The following KIAA1217 variants were observed in gnomAD, a reference collection of about 807,000 sequenced individuals.
The protein encoded by KIAA1217 is sickle tail protein homolog.
KIAA1217 carries 88 observed loss-of-function variants against 163.9 expected under a neutral mutation model. The observed-to-expected ratio is 0.54, with a 90% CI of 0.45 to 0.64. The LOEUF is 0.64. KIAA1217 is among the 30% of genes least tolerant of loss of function. The probability of loss-of-function intolerance (pLI) is 0.00; values close to 1 mark genes in which losing one functional copy is unlikely to be tolerated. For synonymous variants in KIAA1217, 903 were observed against 923.1 expected (o/e 0.98, Z 0.39); for missense variants, 2,372 against 2,475.0 (o/e 0.96, Z 0.88).
chr10:24,004,276 C>A (rs1016626546), intron 1 of KIAA1217, among the ~76,000 whole-genome samples: 7 of 151,696 alleles, frequency 4.6e-5, no homozygotes, highest in African/African-American at 7.3e-5. Flanking sequence ...AGCACCCGGC[C>A]GAGGGCTTTT....
At chr10:24,184,807 C>A (rs1365418412) in intron 2 of KIAA1217, among the ~76,000 whole-genome samples, 2 of 152,166 alleles carry the variant, frequency 1.3e-5, no homozygotes, top group Non-Finnish European at 2.9e-5. Context: ...GCTCTGGCCC[C>A]ATAGGTGGTC....
intron 1 of KIAA1217, among the ~76,000 whole-genome samples, chr10:23,925,568 G>A (rs1172368288): frequency 2.0e-5 from 3 of 152,196 alleles, no homozygotes; most frequent in Non-Finnish European, 4.4e-5. Flanking sequence ...GTGAATTGCA[G>A]CTTAACAAAG....
rs1168668539 is a variant in KIAA1217, at chr10:24,101,756, A to T, written c.-171+94382A>T. Among the ~76,000 whole-genome samples the T allele has an allele frequency of 2.0e-5, 3 of 152,180 alleles. 1 individual carries two copies. Among genetic ancestry groups the T allele is most frequent in the Middle Eastern group, 6.3e-3 (2 of 316 alleles). ...AGCCTAGTATTTTCATTTGGAAATT[A>T]GTCATCTTGTGCTTTTCATTGTGTT... is the stretch of plus-strand genomic sequence containing the variant. On this transcript the variant is annotated intron_variant, in intron 2 of 18. Transcript: ENST00000376462.
intron 2 of KIAA1217, among the ~76,000 whole-genome samples, chr10:24,361,477 A>G (rs2049990219): frequency 6.6e-6 from 1 of 152,146 alleles, no homozygotes; most frequent in African/African-American, 2.4e-5. Context: ...TGTGAGCCAC[A>G]GTGCCCAGCC....
chr10:24,528,092 G>T lies in KIAA1217; in HGVS notation c.3055G>T (p.Ala1019Ser). 6.2e-7 allele frequency: 1 copy of T among 1,614,052 alleles called. No individual in the cohort carries two copies. The highest frequency in any genetic ancestry group is 8.5e-7 in the Non-Finnish European group (1 of 1,179,970). ...PATGPLPRGD[A>S]PVDKVELSED... ...CACAGGCCCACTGCCAAGGGGAGAT[G>T]CCCCAGTGGACAAGGTGGAACTTTC... The change falls in exon 14 of 21, where the codon GCC becomes TCC. Residue 1019 changes from alanine (A) to serine (S), a missense_variant. Physicochemically the swap from Ala to Ser is moderately conservative, Grantham distance 99. This residue lies in a region of KIAA1217 where 1,431 missense variants were observed against 1,470.3 expected (regional missense o/e 0.97). Transcript: ENST00000376454.
chr10:23,702,916 CG>C (rs1373555736), intron 1 of KIAA1217, among the ~76,000 whole-genome samples: 3 of 151,978 alleles, frequency 2.0e-5, no homozygotes, highest in Non-Finnish European at 4.4e-5. Context: ...TTAGTAGAGA[CG>C]GGGTTTCACC....
At chr10:23,927,623 C>T (rs1264263274) in intron 1 of KIAA1217, among the ~76,000 whole-genome samples, 1 of 152,104 alleles carries the variant, frequency 6.6e-6, no homozygotes, top group Non-Finnish European at 1.5e-5. Context: ...TGGTGATGCA[C>T]TAGGCTTTTG....
chr10:23,874,477 A>G (rs1048951581), intron 1 of KIAA1217, among the ~76,000 whole-genome samples: 4 of 152,010 alleles, frequency 2.6e-5, no homozygotes, highest in Non-Finnish European at 4.4e-5. Context: ...CTGCTATAGC[A>G]AATTATAGCC....
At chr10:23,954,314 C>T (rs1166369616) in intron 1 of KIAA1217, among the ~76,000 whole-genome samples, 1 of 152,112 alleles carries the variant, frequency 6.6e-6, no homozygotes, top group Admixed American at 6.5e-5. Context: ...CCTATAATCT[C>T]AGCACTTTGG....
intron 1 of KIAA1217, among the ~76,000 whole-genome samples, chr10:23,834,039 C>A (rs898935619): frequency 1.3e-5 from 2 of 152,028 alleles, no homozygotes; most frequent in African/African-American, 4.8e-5. Context: ...AAATTAAATT[C>A]CAAGTCTAGA....
intron 2 of KIAA1217, among the ~76,000 whole-genome samples, chr10:24,045,149 A>C (rs934775395): frequency 5.3e-5 from 8 of 152,094 alleles, no homozygotes; most frequent in African/African-American, 1.9e-4. Context: ...TTTCCTCATA[A>C]TGTTAAAGGC....
rs976205187 is a variant in KIAA1217, at chr10:24,298,289, A to T, written c.354+78380A>T. Among the ~76,000 whole-genome samples, 5 of 150,554 alleles carry T rather than the reference A, an allele frequency of 3.3e-5. No individual in the cohort carries two copies. The East Asian group carries it at 9.8e-4, about 29-fold the overall frequency. ...TGAAATGTTCCTTATTTGTTTAGAA[A>T]TTTTTTTTTTCTCATTTATATAATA... On this transcript the variant is annotated intron_variant, in intron 2 of 20. Transcript: ENST00000376454.
chr10:24,478,678 T>C (rs2133230399), intron 6 of KIAA1217, among the ~76,000 whole-genome samples: 1 of 152,322 alleles, frequency 6.6e-6, no homozygotes, highest in East Asian at 1.9e-4. Flanking sequence ...GGAGACCATG[T>C]GTGACAAATG....
chr10:24,070,525 A>G (rs746454225), intron 2 of KIAA1217, among the ~76,000 whole-genome samples: 9 of 152,216 alleles, frequency 5.9e-5, no homozygotes, highest in Non-Finnish European at 1.0e-4. Flanking sequence ...TAATCTTTGG[A>G]TAATTCATTA....
chr10:24,006,794 G>C (rs1159837207), intron 1 of KIAA1217, among the ~76,000 whole-genome samples: 2 of 152,146 alleles, frequency 1.3e-5, no homozygotes, highest in African/African-American at 4.8e-5. Flanking sequence ...CAGGCTCTTG[G>C]AGCGGCATAG....
At chr10:23,880,458 G>C (rs968192030) in intron 1 of KIAA1217, among the ~76,000 whole-genome samples, 1 of 151,944 alleles carries the variant, frequency 6.6e-6, no homozygotes, top group Non-Finnish European at 1.5e-5. Flanking sequence ...GGGAAGGGTA[G>C]TTGGGAGAGG....
chr10:23,895,747 G>T (rs1330615839), intron 1 of KIAA1217, among the ~76,000 whole-genome samples: 1 of 151,848 alleles, frequency 6.6e-6, no homozygotes, highest in Non-Finnish European at 1.5e-5. Context: ...CAACCCAAAT[G>T]TCCAACAATG....
intron 2 of KIAA1217, among the ~76,000 whole-genome samples, chr10:24,220,733 C>T (rs189166224): frequency 0.011 from 1,646 of 143,372 alleles, 17 homozygotes; most frequent in Non-Finnish European, 0.02. Context: ...GGATTACAGG[C>T]GTAAGCCACT....
chr10:24,372,349 T>C (rs1161970942), intron 2 of KIAA1217, among the ~76,000 whole-genome samples: 1 of 152,124 alleles, frequency 6.6e-6, no homozygotes, highest in East Asian at 1.9e-4. Flanking sequence ...TCATGATGAA[T>C]GAGGGGTGTG....
Sources: gnomAD v4.1 joint callset for allele counts (sites outside exome capture counted in the v4.1 genomes callset) on GRCh38, gnomAD v4.1.1 for gene constraint, gnomAD v4.1.1 regional missense constraint, MANE v1.5 for transcripts, NCBI Gene and HGNC (gene_info 2026-07-23, HGNC 2026-07-21) for gene names.